Variants in USP34 observed in about 807,000 individuals in gnomAD.
USP34 encodes ubiquitin specific peptidase 34.
Under a neutral mutation model 460.3 loss-of-function variants are expected in USP34, and 70 were observed. The observed-to-expected ratio is 0.15, with a 90% CI of 0.13 to 0.19. The LOEUF (loss-of-function observed/expected upper bound fraction) is 0.19, where lower values mean the gene tolerates loss of function less well. Ranked by LOEUF, USP34 falls within the 10% of genes least tolerant of loss-of-function variation. The pLI is 1.00. For missense variants in USP34, 3,985 were observed against 4,236.2 expected (o/e 0.94, Z 1.65); for synonymous variants, 1,647 against 1,405.3 (o/e 1.17, Z -3.85).
chr2:61,365,297 G>A (rs1239236478), intron 10 of USP34, among the ~76,000 whole-genome samples: 1 of 119,574 alleles, frequency 8.4e-6, no homozygotes, highest in East Asian at 2.1e-4. Flanking sequence ...ACACACGTGT[G>A]TTTATTTATA....
chr2:61,220,542 A>T (rs189394475), intron 66 of USP34, 85 bp from the exon 67 acceptor site: 4 of 1,254,216 alleles, frequency 3.2e-6, no homozygotes, highest in Non-Finnish European at 4.2e-6. Context: ...GCTATTAGAC[A>T]CAAAGCTAAA....
At chr2:61,425,466 C>T (rs2084318) in intron 1 of USP34, among the ~76,000 whole-genome samples, 78,876 of 151,760 alleles carry the variant, frequency 0.52, 20,743 homozygotes, top group South Asian at 0.69. Flanking sequence ...AACACAGCAA[C>T]TGCAAGCCAC....
intron 47 of USP34, 66 bp downstream of exon 47, chr2:61,256,807 C>A: frequency 7.9e-7 from 1 of 1,264,168 alleles, no homozygotes; most frequent in South Asian, 1.6e-5. Context: ...AGATGACCAA[C>A]ACAAACCCGC....
chr2:61,393,912 T>A (rs1445250227), intron 5 of USP34, among the ~76,000 whole-genome samples: 4 of 151,924 alleles, frequency 2.6e-5, no homozygotes, highest in Non-Finnish European at 5.9e-5. Context: ...CCAAGGTGGG[T>A]GGATCATGAG....
intron 41 of USP34, among the ~76,000 whole-genome samples, chr2:61,266,596 T>C (rs925912850): frequency 3.3e-5 from 5 of 152,192 alleles, no homozygotes; most frequent in African/African-American, 7.2e-5. Flanking sequence ...GGTAGTACTG[T>C]TGTACTTTTT....
chr2:61,368,083 T>C (rs1692492363), intron 10 of USP34, among the ~76,000 whole-genome samples: 1 of 152,206 alleles, frequency 6.6e-6, no homozygotes, highest in Admixed American at 6.5e-5. Context: ...GTCTCTGTTA[T>C]GATTACTGAA....
At chr2:61,334,052 A>G (rs1315929166) in intron 18 of USP34, 81 bp from the exon 19 acceptor site, 3 of 1,001,906 alleles carry the variant, frequency 3.0e-6, no homozygotes, top group Non-Finnish European at 4.3e-6. Flanking sequence ...TTAAATGCTA[A>G]AAGATTTAAT....
intron 18 of USP34, among the ~76,000 whole-genome samples, chr2:61,336,791 C>CT (rs1426192564): frequency 1.7e-5 from 2 of 118,470 alleles, no homozygotes; most frequent in Non-Finnish European, 3.3e-5. Flanking sequence ...GCCTGAGAAA[C>CT]TGACTGAGAC....
chr2:61,196,288 C>T (rs1686807031), intron 75 of USP34, among the ~76,000 whole-genome samples: 1 of 147,126 alleles, frequency 6.8e-6, no homozygotes, highest in African/African-American at 2.5e-5. Flanking sequence ...GACGGGGTTT[C>T]ACTGTGTTAG....
Position 61,266,186 on chromosome 2 carries a change from C to T in USP34, c.5434-19G>A. On this transcript the variant is annotated intron_variant, in intron 41 of 79. Coordinates refer to ENST00000398571, the MANE Select transcript of USP34 (RefSeq NM_014709.4). ...AAAATTCCTGGGGAGTAAAAGGAAACATGTTATCTAAACTGAGATATTAAT... is the reference window on the plus strand; with the variant it reads ...AAAATTCCTGGGGAGTAAAAGGAAATATGTTATCTAAACTGAGATATTAAT... The T allele has an allele frequency of 5.6e-6, 9 of 1,594,788 alleles. No individual in the cohort carries two copies. The highest frequency in any genetic ancestry group is 7.7e-6 in the Non-Finnish European group (9 of 1,165,762).
At chr2:61,284,428 C>A (rs761947682) in intron 35 of USP34, among the ~76,000 whole-genome samples, 9 of 152,068 alleles carry the variant, frequency 5.9e-5, no homozygotes, top group African/African-American at 2.2e-4. Flanking sequence ...GAACTGACAA[C>A]TAAATGCAAT....
intron 39 of USP34, among the ~76,000 whole-genome samples, chr2:61,279,716 G>A (rs889771936): frequency 2.0e-5 from 3 of 152,064 alleles, no homozygotes; most frequent in East Asian, 1.9e-4. Context: ...CGCCCGCCTC[G>A]GCCTCCCAAA....
intron 67 of USP34, 69 bp downstream of exon 67, chr2:61,220,241 A>G: frequency 6.8e-7 from 1 of 1,465,108 alleles, no homozygotes; most frequent in Non-Finnish European, 9.1e-7. Flanking sequence ...GTAGTTGCCT[A>G]AAAACAAAAT....
chr2:61,289,000 T>C (rs1393404060), intron 33 of USP34, 123 bp from the exon 34 acceptor site: 3 of 964,456 alleles, frequency 3.1e-6, no homozygotes, highest in Non-Finnish European at 3.0e-6. Flanking sequence ...TCATGTACTA[T>C]AAAAATTCTG....
chr2:61,348,285 C>A lies in USP34; in HGVS notation c.1870G>T (p.Asp624Tyr), dbSNP rs754372782. Residue 624 changes from aspartate (D) to tyrosine (Y), a missense_variant, in exon 15 of 80, where the codon GAT becomes TAT. Around this residue, in one of 14 missense-constraint regions of USP34, gnomAD observed 716 missense variants for 626.2 expected, o/e 1.14. Transcript: ENST00000398571. The stretch of plus-strand genomic sequence containing the variant: ...TTATGACCATGATCATCGTCTTCAT[C>A]TTCCTCTTTGAGGGCTTCAATATCT... ...IADIEALKEE[D>Y]EDDDHGHNPP... 5 of 1,614,106 alleles carry A rather than the reference C, an allele frequency of 3.1e-6. No homozygotes were observed. The African/African-American group carries it at 6.7e-5, about 22-fold the overall frequency.
chr2:61,383,241 C>A, intron 6 of USP34, 28 bp downstream of exon 6: 2 of 1,507,370 alleles, frequency 1.3e-6, no homozygotes, highest in Non-Finnish European at 1.8e-6. Flanking sequence ...CACTGATAAT[C>A]GGGGGTAAAG....
At chr2:61,281,045 A>C (rs1363889512) in intron 38 of USP34, 45 bp downstream of exon 38, 1 of 1,583,650 alleles carries the variant, frequency 6.3e-7, no homozygotes, top group Admixed American at 1.8e-5. Flanking sequence ...GAGGCAAAGG[A>C]AATTTCAAAA....
chr2:61,466,605 A>G lies in USP34; in HGVS notation c.43+4045T>C, dbSNP rs139356900. Among the ~76,000 whole-genome samples, 3 of 152,216 alleles carry G rather than the reference A, an allele frequency of 2.0e-5. No homozygotes were observed. The East Asian group carries it at 5.8e-4, about 29-fold the overall frequency. On this transcript the variant is annotated intron_variant, in intron 1 of 79. Coordinates refer to ENST00000398571, the MANE Select transcript of USP34 (RefSeq NM_014709.4). ...TATGTAAAATTATTATTTATCAACT[A>G]AAAATTTTTTAAACAAAATTTTTAG...
At chr2:61,265,671 A>G in intron 42 of USP34, 114 bp from the exon 43 acceptor site, 7 of 847,562 alleles carry the variant, frequency 8.3e-6, no homozygotes, top group Non-Finnish European at 1.1e-5. Context: ...ATATATATAG[A>G]ACATTATATA....
Sources: gnomAD v4.1 joint callset for allele counts (sites outside exome capture counted in the v4.1 genomes callset) on GRCh38, gnomAD v4.1.1 for gene constraint, gnomAD v4.1.1 regional missense constraint, MANE v1.5 for transcripts, NCBI Gene and HGNC (gene_info 2026-07-23, HGNC 2026-07-21) for gene names.